FHAD1: variants seen among roughly 807,000 people sequenced by gnomAD.
FHAD1 encodes the protein forkhead-associated domain-containing protein 1.
A neutral mutation model predicts 191.3 loss-of-function variants in FHAD1; 146 were observed. The observed-to-expected ratio is 0.76, with a 90% confidence interval of 0.67 to 0.88. FHAD1 has a LOEUF of 0.88. FHAD1 is among the 40% of genes least tolerant of loss of function. The pLI, the probability that FHAD1 is intolerant of heterozygous loss-of-function variation, is 0.00. For missense variants in FHAD1, 1,635 were observed against 1,785.8 expected (o/e 0.92, Z 1.52); for synonymous variants, 616 against 672.3 (o/e 0.92, Z 1.29).
At chr1:15,324,612 C>A in intron 11 of FHAD1, 53 bp downstream of exon 11, 2 of 1,304,438 alleles carry the variant, frequency 1.5e-6, no homozygotes, top group Non-Finnish European at 2.2e-6. Flanking sequence ...AATGATTGCA[C>A]CCAAGCAGCC....
chr1:15,242,387 G>A (rs1340737125), upstream of FHAD1, among the ~76,000 whole-genome samples: 1 of 152,060 alleles, frequency 6.6e-6, no homozygotes, highest in Non-Finnish European at 1.5e-5. Context: ...ATAATGAGTT[G>A]GGCTAAGAAC....
chr1:15,319,218 CA>C (rs1675508639), intron 10 of FHAD1, among the ~76,000 whole-genome samples: 2 of 152,118 alleles, frequency 1.3e-5, no homozygotes, highest in African/African-American at 4.8e-5. Context: ...GAAATAAAAG[CA>C]AATAATCTAT....
chr1:15,301,459 G>A lies in FHAD1; in HGVS notation c.915+18G>A, dbSNP rs1668732529. 1.3e-6 allele frequency: 2 copies of A among 1,549,816 alleles called. No individual in the cohort carries two copies. Among genetic ancestry groups the A allele is most frequent in the Non-Finnish European group, 1.7e-6 (2 of 1,146,020 alleles). ...AAAGCCAGGTAGGCAGAGCCTGAGA[G>A]GTACAGCACAGCTCTCAGGCCAAGG... is the stretch of plus-strand genomic sequence containing the variant. On this transcript the variant is annotated intron_variant, in intron 6 of 33. Transcript: ENST00000688493.
chr1:15,301,171 C>G, intron 5 of FHAD1, 34 bp from the exon 6 acceptor site: 1 of 1,539,212 alleles, frequency 6.5e-7, no homozygotes, highest in Non-Finnish European at 8.8e-7. Context: ...CCTAGGCCCA[C>G]ACCTAGTAAG....
chr1:15,269,810 C>A (rs12727440), intron 2 of FHAD1, among the ~76,000 whole-genome samples: 1 of 152,058 alleles, frequency 6.6e-6, no homozygotes, highest in Non-Finnish European at 1.5e-5. Flanking sequence ...GCAGTTCTGT[C>A]AGCTTTTGCC....
chr1:15,321,820 CAT>C (rs1676403906), intron 10 of FHAD1, among the ~76,000 whole-genome samples: 1 of 152,162 alleles, frequency 6.6e-6, no homozygotes, highest in South Asian at 2.1e-4. Context: ...CATGTGTGTG[CAT>C]GTGTGTGTAT....
At chr1:15,344,119 C>G (rs1194855865) in intron 16 of FHAD1, among the ~76,000 whole-genome samples, 2 of 152,190 alleles carry the variant, frequency 1.3e-5, no homozygotes, top group Non-Finnish European at 2.9e-5. Context: ...CTGTGACACT[C>G]GAAGGTCGCC....
intron 26 of FHAD1, among the ~76,000 whole-genome samples, chr1:15,373,069 G>A (rs79243435): frequency 0.034 from 5,143 of 152,286 alleles, 117 homozygotes; most frequent in East Asian, 0.093. Flanking sequence ...CCCTAGAGAA[G>A]CATTGTTTAG....
upstream of FHAD1, among the ~76,000 whole-genome samples, chr1:15,243,183 A>C (rs1290492948): frequency 6.6e-6 from 1 of 152,236 alleles, no homozygotes; most frequent in African/African-American, 2.4e-5. Flanking sequence ...CTGCCACGGG[A>C]AAAGGCAAGG....
Position 15,316,234 on chromosome 1 carries a change from C to G in FHAD1, c.1171-144C>G. On this transcript the variant is annotated intron_variant, in intron 8 of 33. Coordinates refer to ENST00000688493, the MANE Select transcript of FHAD1 (RefSeq NM_001391957.1). This position sits in a 1 kb window ranked among gnomAD's most constrained non-coding sequence, Gnocchi z 4.3. ...TGTGCCCGTCAGACACCATGGGATGCCTTTTGGGATCTCAGTGCGTGACTG... is the reference window on the plus strand; with the variant it reads ...TGTGCCCGTCAGACACCATGGGATGGCTTTTGGGATCTCAGTGCGTGACTG... 1.6e-6 allele frequency: 1 copy of G among 639,048 alleles called. No individual in the cohort carries two copies. Among genetic ancestry groups the G allele is most frequent in the Non-Finnish European group, 2.8e-6 (1 of 358,798 alleles). The allele number at this position is 639,048 out of a possible 1,614,324, so 39.6% of individuals were successfully genotyped here.
At chr1:15,402,687 T>C (rs1195706323), downstream of FHAD1, among the ~76,000 whole-genome samples, 3 of 152,196 alleles carry the variant, frequency 2.0e-5, no homozygotes, top group African/African-American at 7.2e-5. Flanking sequence ...ACTCCTGTTA[T>C]ACCTGTGAAA....
At position 15,344,160 on chromosome 1, in the gene FHAD1, A is replaced by G. The variant is rs146658454; in HGVS notation, c.2131-923A>G. 7.8e-4 allele frequency among the ~76,000 whole-genome samples: 119 copies of G among 152,204 alleles called. No homozygotes were observed. The East Asian group carries it at 0.02, about 26-fold the overall frequency. On this transcript the variant is annotated intron_variant, in intron 16 of 33. Transcript: ENST00000688493. ...TCTGATACTCGGATTGATGGACTTG[A>G]CCCTGGGGACTCCTTGGAAAGTTAC...
chr1:15,375,256 G>A (rs992608775), intron 27 of FHAD1, among the ~76,000 whole-genome samples: 6 of 152,200 alleles, frequency 3.9e-5, no homozygotes, highest in African/African-American at 1.2e-4. Context: ...CCCCTTTAGA[G>A]GGGGTAGAAC....
chr1:15,400,777 G>A (rs769886172), downstream of FHAD1, among the ~76,000 whole-genome samples: 23 of 152,346 alleles, frequency 1.5e-4, no homozygotes, highest in South Asian at 4.1e-4. Context: ...TCCTTCAGCC[G>A]ACTGGACTAG....
chr1:15,336,998 A>G (rs573542547), intron 14 of FHAD1, among the ~76,000 whole-genome samples: 2 of 152,240 alleles, frequency 1.3e-5, no homozygotes, highest in East Asian at 1.9e-4. Context: ...GAAACTCTGC[A>G]CTTCCGGGCT....
At chr1:15,313,277 G>A (rs907069871) in intron 8 of FHAD1, 90 bp downstream of exon 8, 7 of 1,336,036 alleles carry the variant, frequency 5.2e-6, no homozygotes, top group Non-Finnish European at 6.9e-6. Context: ...ATTCACCCTG[G>A]GCCCTTAGTT....
At chr1:15,360,836 C>A (rs1467937951) in intron 22 of FHAD1, 133 bp downstream of exon 22, 1 of 744,056 alleles carries the variant, frequency 1.3e-6, no homozygotes, top group Admixed American at 2.8e-5. Context: ...CTGAGGCCCC[C>A]TTTTGTTCTT....
intron 32 of FHAD1, among the ~76,000 whole-genome samples, chr1:15,390,893 G>T (rs995631244): frequency 6.6e-6 from 1 of 152,084 alleles, no homozygotes; most frequent in African/African-American, 2.4e-5. Context: ...TAAAACAGAC[G>T]TGTCCTCCGA....
intron 31 of FHAD1, among the ~76,000 whole-genome samples, chr1:15,387,261 C>T (rs573716222): frequency 6.6e-6 from 1 of 152,252 alleles, no homozygotes; most frequent in African/African-American, 2.4e-5. Flanking sequence ...CCAAGATTTT[C>T]TTGGGCCCAG....
Sources: gnomAD v4.1 joint callset for allele counts (sites outside exome capture counted in the v4.1 genomes callset) on GRCh38, gnomAD v4.1.1 for gene constraint, Gnocchi (gnomAD v3.1) non-coding constraint, MANE v1.5 for transcripts, NCBI Gene and HGNC (gene_info 2026-07-23, HGNC 2026-07-21) for gene names.